The following AUTS2 variants were observed in gnomAD, a reference collection of about 807,000 sequenced individuals.
The protein encoded by AUTS2 is autism susceptibility gene 2 protein.
A neutral mutation model predicts 112.4 loss-of-function variants in AUTS2; 17 were observed. The observed-to-expected ratio is 0.15, with a 90% CI of 0.10 to 0.23. The LOEUF (loss-of-function observed/expected upper bound fraction) is 0.23, where lower values mean the gene tolerates loss of function less well. Ranked by LOEUF, AUTS2 falls within the 10% of genes least tolerant of loss-of-function variation. The pLI, the probability that AUTS2 is intolerant of heterozygous loss-of-function variation, is 1.00. For synonymous variants in AUTS2, 751 were observed against 702.7 expected (o/e 1.07, Z -1.09); for missense variants, 1,510 against 1,701.6 (o/e 0.89, Z 1.98).
chr7:69,857,627 A>G (rs908709697), intron 1 of AUTS2, among the ~76,000 whole-genome samples: 8 of 152,222 alleles, frequency 5.3e-5, no homozygotes, highest in Non-Finnish European at 1.2e-4. Flanking sequence ...AGAAGTTTAC[A>G]TAGCAGCCTC....
chr7:69,830,026 A>AC (rs1366480663), intron 1 of AUTS2, among the ~76,000 whole-genome samples: 5 of 152,246 alleles, frequency 3.3e-5, no homozygotes, highest in African/African-American at 1.2e-4. Context: ...GAAATGTGGT[A>AC]CATATACACC....
chr7:69,872,092 T>A (rs566131985), intron 1 of AUTS2, among the ~76,000 whole-genome samples: 2 of 152,284 alleles, frequency 1.3e-5, no homozygotes, highest in South Asian at 2.1e-4. Flanking sequence ...AGTTCAAAGA[T>A]AAGATTATAG....
intron 2 of AUTS2, among the ~76,000 whole-genome samples, chr7:70,070,685 T>C (rs903981428): frequency 6.6e-6 from 1 of 151,728 alleles, no homozygotes; most frequent in African/African-American, 2.4e-5. Flanking sequence ...GCTAACACGG[T>C]GAAACCCCGT....
chr7:70,312,040 A>G (rs2129615545), intron 4 of AUTS2, among the ~76,000 whole-genome samples: 1 of 152,048 alleles, frequency 6.6e-6, no homozygotes, highest in Non-Finnish European at 1.5e-5. Context: ...TGTATTTTTA[A>G]TAGAGATGAA....
chr7:70,696,426 G>A (rs1809108320), intron 5 of AUTS2, among the ~76,000 whole-genome samples: 1 of 152,218 alleles, frequency 6.6e-6, no homozygotes, highest in African/African-American at 2.4e-5. Flanking sequence ...GTCCAGCCCT[G>A]TGACTTGTAT....
intron 4 of AUTS2, among the ~76,000 whole-genome samples, chr7:70,282,548 C>G (rs1390024080): frequency 2.6e-5 from 4 of 152,058 alleles, no homozygotes; most frequent in Non-Finnish European, 4.4e-5. Flanking sequence ...TCTAAAGGCA[C>G]TAATTCACTC....
Position 70,564,022 on chromosome 7 carries a change from C to T in AUTS2, c.690+128241C>T, listed in dbSNP as rs187354536. ...GCAATATCCTGAGAAAGGTTTAAGT[C>T]GGCTTTTTATTTTAATATATAATAA... On this transcript the variant is annotated intron_variant, in intron 5 of 18. Coordinates refer to ENST00000342771, the MANE Select transcript of AUTS2 (RefSeq NM_015570.4). 1.1e-3 allele frequency among the ~76,000 whole-genome samples: 175 copies of T among 152,186 alleles called. 1 individual carries two copies. The highest frequency in any genetic ancestry group is 2.9e-4 in the Non-Finnish European group (20 of 68,008).
chr7:69,830,308 G>A (rs1195873141), intron 1 of AUTS2, among the ~76,000 whole-genome samples: 2 of 152,118 alleles, frequency 1.3e-5, no homozygotes, highest in African/African-American at 4.8e-5. Flanking sequence ...TAGATGATGG[G>A]TTGATAGGTG....
chr7:70,167,814 T>C (rs2129578216), intron 4 of AUTS2, among the ~76,000 whole-genome samples: 1 of 152,310 alleles, frequency 6.6e-6, no homozygotes, highest in Non-Finnish European at 1.5e-5. Flanking sequence ...AAATAACCCA[T>C]ATCAAAGAGT....
At chr7:69,688,867 T>G (rs1797175092) in intron 1 of AUTS2, among the ~76,000 whole-genome samples, 1 of 152,262 alleles carries the variant, frequency 6.6e-6, no homozygotes, top group African/African-American at 2.4e-5. Context: ...CAACAATACA[T>G]ATTTTATATT....
intron 10 of AUTS2, 48 bp downstream of exon 10, chr7:70,768,116 T>G: frequency 1.3e-6 from 2 of 1,542,388 alleles, no homozygotes; most frequent in Non-Finnish European, 1.8e-6. Flanking sequence ...GCTTTGCCAT[T>G]TTTGTGCTCT....
chr7:70,454,125 A>G (rs891057480), intron 5 of AUTS2, among the ~76,000 whole-genome samples: 2 of 152,228 alleles, frequency 1.3e-5, no homozygotes, highest in African/African-American at 2.4e-5. Flanking sequence ...TCGAAGAACT[A>G]TGACTGCCAC....
intron 2 of AUTS2, among the ~76,000 whole-genome samples, chr7:70,116,884 T>C (rs1805383334): frequency 6.6e-6 from 1 of 152,242 alleles, no homozygotes; most frequent in Non-Finnish European, 1.5e-5. Context: ...ATTGGAAACA[T>C]TGTCAAGGGG....
intron 1 of AUTS2, among the ~76,000 whole-genome samples, chr7:69,802,525 T>G (rs1461919710): frequency 6.6e-6 from 1 of 152,206 alleles, no homozygotes; most frequent in African/African-American, 2.4e-5. Flanking sequence ...AACTGTGAAC[T>G]CATTTCATTA....
intron 2 of AUTS2, among the ~76,000 whole-genome samples, chr7:69,953,534 G>C (rs190804396): frequency 6.6e-6 from 1 of 152,268 alleles, no homozygotes; most frequent in East Asian, 1.9e-4. Flanking sequence ...TCTGATGGTT[G>C]AGTAGAAAAT....
chr7:69,650,889 A>G (rs1333559975), intron 1 of AUTS2, among the ~76,000 whole-genome samples: 1 of 152,216 alleles, frequency 6.6e-6, no homozygotes, highest in African/African-American at 2.4e-5. Context: ...GTTTTTGCAC[A>G]TACTGCGTTA....
chr7:70,526,106 G>A (rs1381806710), intron 5 of AUTS2, among the ~76,000 whole-genome samples: 1 of 152,080 alleles, frequency 6.6e-6, no homozygotes, highest in Non-Finnish European at 1.5e-5. Context: ...CACATCTAAT[G>A]AGTCACCCAG....
chr7:69,913,846 C>T (rs1795457080), intron 2 of AUTS2, among the ~76,000 whole-genome samples: 1 of 152,118 alleles, frequency 6.6e-6, no homozygotes, highest in African/African-American at 2.4e-5. Flanking sequence ...CTCCAGCTCC[C>T]GACCTTCCAT....
At chr7:69,817,107 A>G (rs994936576) in intron 1 of AUTS2, among the ~76,000 whole-genome samples, 1 of 152,206 alleles carries the variant, frequency 6.6e-6, no homozygotes, top group Admixed American at 6.5e-5. Flanking sequence ...CTTCTTCATC[A>G]TGGGCTCACT....
Sources: allele counts gnomAD v4.1 joint callset (sites outside exome capture counted in the v4.1 genomes callset), GRCh38; gene constraint gnomAD v4.1.1; transcripts MANE v1.5; gene names NCBI Gene and HGNC (gene_info 2026-07-23, HGNC 2026-07-21).